The following FSTL4 variants were observed in gnomAD, a reference collection of about 807,000 sequenced individuals.
FSTL4 encodes follistatin like 4.
FSTL4 carries 28 observed loss-of-function variants against 78.2 expected under a neutral mutation model. The ratio of observed to expected loss-of-function variants is 0.36; its 90% confidence interval spans 0.27 to 0.49. The LOEUF (loss-of-function observed/expected upper bound fraction) is 0.49. Among genes scored for constraint, FSTL4 ranks in the 20% least tolerant of loss-of-function variants. FSTL4 has a pLI of 0.98. For synonymous variants in FSTL4, 422 were observed against 440.5 expected (o/e 0.96, Z 0.53); for missense variants, 922 against 1,084.9 (o/e 0.85, Z 2.11).
intron 3 of FSTL4, among the ~76,000 whole-genome samples, chr5:133,484,580 G>A (rs1357050467): frequency 1.3e-5 from 2 of 152,164 alleles, no homozygotes; most frequent in Admixed American, 6.5e-5. Flanking sequence ...TCCTGCCTTT[G>A]CCAAAACATA....
intron 14 of FSTL4, chr5:133,207,817 T>C (rs552492236): frequency 1.5e-4 from 23 of 152,240 alleles, no homozygotes; most frequent in African/African-American, 5.3e-4. Flanking sequence ...GGCTAATTTT[T>C]TTATTTTATT....
chr5:133,546,487 C>T (rs1759574783), intron 3 of FSTL4, among the ~76,000 whole-genome samples: 1 of 113,276 alleles, frequency 8.8e-6, no homozygotes, highest in Non-Finnish European at 1.6e-5. Context: ...GCCTGGCTGA[C>T]AGAGCGAGAC....
chr5:133,745,776 G>A, the FSTL4 span, among the ~76,000 whole-genome samples: 1 of 152,184 alleles, frequency 6.6e-6, no homozygotes, highest in Non-Finnish European at 1.5e-5. Flanking sequence ...CTGTCATTTT[G>A]TCAATAGGTA....
At chr5:133,416,223 TG>T (rs1321537519) in intron 3 of FSTL4, among the ~76,000 whole-genome samples, 2 of 152,366 alleles carry the variant, frequency 1.3e-5, no homozygotes, top group East Asian at 3.9e-4. Flanking sequence ...AAGCTCCTAC[TG>T]GCCAAGTCTG....
intron 2 of FSTL4, among the ~76,000 whole-genome samples, chr5:133,581,489 C>T (rs1760406931): frequency 6.6e-6 from 1 of 152,260 alleles, no homozygotes; most frequent in Non-Finnish European, 1.5e-5. Context: ...CTGCCCCACA[C>T]GTGCCACATC....
chr5:133,724,481 T>G, the FSTL4 span, among the ~76,000 whole-genome samples: 1 of 148,994 alleles, frequency 6.7e-6, no homozygotes, highest in Non-Finnish European at 1.5e-5. Flanking sequence ...ATTCATTGTT[T>G]TTTGTTTTCC....
At chr5:133,580,629 C>T (rs1038409669) in intron 2 of FSTL4, among the ~76,000 whole-genome samples, 3 of 152,330 alleles carry the variant, frequency 2.0e-5, no homozygotes, top group Non-Finnish European at 2.9e-5. Context: ...GCGGTCAGGC[C>T]GTGCCCCTCC....
the FSTL4 span, among the ~76,000 whole-genome samples, chr5:133,832,871 A>G: frequency 6.6e-6 from 1 of 152,346 alleles, no homozygotes; most frequent in East Asian, 1.9e-4. Context: ...GCCATATATA[A>G]TAGTATCAAA....
chr5:133,576,337 T>A (rs1241676446), intron 2 of FSTL4, among the ~76,000 whole-genome samples: 1 of 152,192 alleles, frequency 6.6e-6, no homozygotes, highest in Non-Finnish European at 1.5e-5. Flanking sequence ...CTCAGAGGTC[T>A]TTGGTTAGGG....
intron 13 of FSTL4, among the ~76,000 whole-genome samples, chr5:133,211,699 A>G (rs1289630998): frequency 6.6e-6 from 1 of 152,158 alleles, no homozygotes; most frequent in Non-Finnish European, 1.5e-5. Flanking sequence ...AAACCCTTAC[A>G]TACCCTTCCT....
intron 3 of FSTL4, among the ~76,000 whole-genome samples, chr5:133,552,844 T>G (rs1410943168): frequency 6.6e-6 from 1 of 152,100 alleles, no homozygotes; most frequent in Admixed American, 6.6e-5. Context: ...ACTTTGGGGG[T>G]ATTCATAAAG....
chr5:133,790,430 G>A, the FSTL4 span, among the ~76,000 whole-genome samples: 1 of 152,120 alleles, frequency 6.6e-6, no homozygotes, highest in African/African-American at 2.4e-5. Flanking sequence ...CAGAGTGCTT[G>A]GCATTTAAAA....
intron 14 of FSTL4, among the ~76,000 whole-genome samples, chr5:133,209,413 C>A (rs1750632995): frequency 6.6e-6 from 1 of 152,044 alleles, no homozygotes; most frequent in African/African-American, 2.4e-5. Context: ...AGAGAGAGAC[C>A]CTAATCTCCA....
the FSTL4 span, among the ~76,000 whole-genome samples, chr5:133,647,266 C>T: frequency 6.6e-6 from 1 of 152,130 alleles, no homozygotes; most frequent in African/African-American, 2.4e-5. Context: ...CCACCCCTTA[C>T]CAAACACTCC....
intron 6 of FSTL4, among the ~76,000 whole-genome samples, chr5:133,277,368 T>C (rs966996567): frequency 2.0e-5 from 3 of 149,036 alleles, no homozygotes. Flanking sequence ...GGAGGACGGG[T>C]ATGGGGATTG....
intron 3 of FSTL4, among the ~76,000 whole-genome samples, chr5:133,538,235 A>G (rs948729973): frequency 1.3e-5 from 2 of 152,048 alleles, no homozygotes; most frequent in African/African-American, 4.8e-5. Flanking sequence ...TCTTGACCTT[A>G]ATATTTTTGA....
chr5:133,792,078 A>G, the FSTL4 span, among the ~76,000 whole-genome samples: 1 of 152,172 alleles, frequency 6.6e-6, no homozygotes, highest in African/African-American at 2.4e-5. Flanking sequence ...AGTGGTACAT[A>G]ATGATATAAT....
chr5:133,772,108 A>G, the FSTL4 span, among the ~76,000 whole-genome samples: 1 of 152,228 alleles, frequency 6.6e-6, no homozygotes, highest in Admixed American at 6.5e-5. Context: ...AGTAAGTTGC[A>G]TCCATCTGAT....
the FSTL4 span, among the ~76,000 whole-genome samples, chr5:133,636,370 C>A: frequency 6.6e-6 from 1 of 152,166 alleles, no homozygotes; most frequent in African/African-American, 2.4e-5. Flanking sequence ...ACTCAGCGAT[C>A]AGGAAGCCCA....
Sources: allele counts gnomAD v4.1 joint callset (sites outside exome capture counted in the v4.1 genomes callset), GRCh38; gene constraint gnomAD v4.1.1; transcripts MANE v1.5; gene names NCBI Gene and HGNC (gene_info 2026-07-23, HGNC 2026-07-21).